MTMR9: variants seen among roughly 807,000 people sequenced by gnomAD.
MTMR9 encodes myotubularin related protein 9.
A neutral mutation model predicts 69.5 loss-of-function variants in MTMR9; 39 were observed. The observed-to-expected ratio is 0.56, with a 90% CI of 0.43 to 0.73. The LOEUF (loss-of-function observed/expected upper bound fraction) is 0.73. MTMR9 is among the 30% of genes least tolerant of loss of function. MTMR9 has a pLI of 0.00. For missense variants in MTMR9, 900 were observed against 671.2 expected (o/e 1.34, Z -3.77); for synonymous variants, 354 against 240.8 (o/e 1.47, Z -4.35).
At position 11,304,978 on chromosome 8, in the gene MTMR9, C is replaced by T. The variant is rs1799885960; in HGVS notation, c.555C>T (p.Phe185=). The change falls in exon 4 of 10, where the codon TTC becomes TTT. Residue 185 remains phenylalanine, a synonymous_variant. Transcript: ENST00000221086. ...CTACATTTCGACATGGAGGGCGCTT[C>T]CCAGTACTAAGCTATTACCACAAAA... ...KVATFRHGGR[F]PVLSYYHKKN... is the part of the protein sequence containing the mutation. 6.2e-7 allele frequency: 1 copy of T among 1,614,058 alleles called. No homozygotes were observed. The highest frequency in any genetic ancestry group is 2.2e-5 in the East Asian group (1 of 44,884).
chr8:11,288,522 G>A (rs1529856), intron 1 of MTMR9, among the ~76,000 whole-genome samples: 90,995 of 151,328 alleles, frequency 0.6, 27,820 homozygotes, highest in East Asian at 0.89. Flanking sequence ...AACTGTGAGT[G>A]TCTGGGGGAA....
At chr8:11,320,458 G>A (rs906303280) in intron 9 of MTMR9, 2 of 152,252 alleles carry the variant, frequency 1.3e-5, no homozygotes, top group Non-Finnish European at 2.9e-5. Flanking sequence ...GCCAGGTGTG[G>A]TGGCTCACGC....
At chr8:11,285,658 C>T (rs753871930) in intron 1 of MTMR9, among the ~76,000 whole-genome samples, 1 of 152,106 alleles carries the variant, frequency 6.6e-6, no homozygotes, top group African/African-American at 2.4e-5. Context: ...ACAGGGTTGG[C>T]TCTCAAGGAA....
the MTMR9 span, among the ~76,000 whole-genome samples, chr8:11,336,620 C>G: frequency 6.6e-6 from 1 of 152,176 alleles, no homozygotes; most frequent in Non-Finnish European, 1.5e-5. Context: ...TTTTGGCCAT[C>G]TCCAATGCCA....
chr8:11,301,064 G>T (rs1799731565), intron 3 of MTMR9, among the ~76,000 whole-genome samples: 1 of 152,186 alleles, frequency 6.6e-6, no homozygotes, highest in South Asian at 2.1e-4. Flanking sequence ...GAAACAAGTA[G>T]CAGGCTGGAT....
intron 1 of MTMR9, among the ~76,000 whole-genome samples, chr8:11,293,164 T>C (rs578116252): frequency 3.3e-5 from 5 of 152,292 alleles, no homozygotes; most frequent in East Asian, 1.9e-4. Flanking sequence ...GACAGTGACA[T>C]TGATGATCCC....
chr8:11,298,988 A>C (rs1053674201), intron 2 of MTMR9: 5 of 607,434 alleles, frequency 8.2e-6, no homozygotes, highest in African/African-American at 8.1e-5. Context: ...GTCTAGGAAG[A>C]GAGGAAATGA....
At chr8:11,285,747 A>G (rs1303848030) in intron 1 of MTMR9, among the ~76,000 whole-genome samples, 1 of 152,090 alleles carries the variant, frequency 6.6e-6, no homozygotes, top group East Asian at 1.9e-4. Flanking sequence ...GAAGTCAAAA[A>G]GTTAAACTTT....
chr8:11,327,166 C>T lies in MTMR9; in HGVS notation c.*4378C>T, dbSNP rs1244967755. 1 of 152,144 alleles carries T rather than the reference C, an allele frequency of 6.6e-6. No individual in the cohort carries two copies. The highest frequency in any genetic ancestry group is 1.5e-5 in the Non-Finnish European group (1 of 68,036). The allele number at this position is 152,144 out of a possible 1,614,324, so 9.4% of individuals were successfully genotyped here. The stretch of plus-strand genomic sequence containing the variant: ...TAAACCAATAGTCCCAGAAGAGACC[C>T]TCTGAAATTCTAGGACTGGATATTA... On this transcript the variant is annotated 3_prime_UTR_variant, in exon 10 of 10. Transcript: ENST00000221086.
intron 3 of MTMR9, among the ~76,000 whole-genome samples, chr8:11,301,669 G>A (rs1182475957): frequency 6.6e-6 from 1 of 152,124 alleles, no homozygotes; most frequent in African/African-American, 2.4e-5. Context: ...GTGTTACACA[G>A]GTGTATACAA....
chr8:11,337,185 C>G, the MTMR9 span, among the ~76,000 whole-genome samples: 1 of 152,156 alleles, frequency 6.6e-6, no homozygotes, highest in African/African-American at 2.4e-5. Context: ...GACTTGTTGC[C>G]TAGGCTTCTC....
At chr8:11,294,518 T>TTTTTTTTTTA (rs1799480036) in intron 1 of MTMR9, among the ~76,000 whole-genome samples, 2 of 129,470 alleles carry the variant, frequency 1.5e-5, no homozygotes, top group African/African-American at 5.5e-5. Context: ...TTTTTTTTTT[T>TTTTTTTTTTA]GAGACAGAGT....
At chr8:11,298,722 C>CA (rs897756679) in intron 2 of MTMR9, 4 of 670,016 alleles carry the variant, frequency 6.0e-6, no homozygotes, top group East Asian at 2.8e-4. Flanking sequence ...CCCGCTGCAC[C>CA]CCCCCCCCGC....
At chr8:11,331,443 C>G (rs142526826), downstream of MTMR9, 8 of 1,614,042 alleles carry the variant, frequency 5.0e-6, no homozygotes, top group East Asian at 1.8e-4. Context: ...GCTCAACGTC[C>G]TCAGCATTGG....
chr8:11,295,360 A>G, intron 2 of MTMR9, 58 bp downstream of exon 2: 1 of 965,194 alleles, frequency 1.0e-6, no homozygotes. Flanking sequence ...GACTCAGTGT[A>G]GCTCTTCCAT....
rs538623565 is a variant in MTMR9, at chr8:11,285,129, G to A, written c.182+59G>A. 1.1e-4 allele frequency: 157 copies of A among 1,447,880 alleles called. 1 individual carries two copies. In the African/African-American group the frequency reaches 2.1e-3, roughly 19 times the overall value. 89.7% of individuals were successfully genotyped at this position (1,447,880 alleles called of 1,614,324 possible). A position where few individuals can be genotyped will look rare whatever the true frequency, so the allele number is the denominator to read the frequency against. Reference sequence around the variant, plus strand: ...GCCGGGGGTCCCTTGTGGGCGCCCCGGGAAATACTTCCTGGCGTTTTCCGC... The same window carrying A: ...GCCGGGGGTCCCTTGTGGGCGCCCCAGGAAATACTTCCTGGCGTTTTCCGC... On this transcript the variant is annotated intron_variant, in intron 1 of 9. Transcript: ENST00000221086.
intron 2 of MTMR9, among the ~76,000 whole-genome samples, chr8:11,296,367 C>T (rs1239869513): frequency 1.3e-5 from 2 of 152,112 alleles, no homozygotes; most frequent in Non-Finnish European, 1.5e-5. Context: ...TCATTACTTA[C>T]TATAATTTTA....
At chr8:11,332,215 TATA>T (rs2117503104), downstream of MTMR9, 1 of 1,494,742 alleles carries the variant, frequency 6.7e-7, no homozygotes, top group South Asian at 1.3e-5. Flanking sequence ...AAAAAATAAT[TATA>T]ATAAATCCTA....
Position 11,322,951 on chromosome 8 carries a change from C to G in MTMR9, c.*163C>G, listed in dbSNP as rs2117468076. 1 of 505,232 alleles carries G rather than the reference C, an allele frequency of 2.0e-6. No individual in the cohort carries two copies. The highest frequency in any genetic ancestry group is 3.4e-5 in the East Asian group (1 of 29,092). The allele number at this position is 505,232 out of a possible 1,614,324, so 31.3% of individuals were successfully genotyped here. A position where few individuals can be genotyped will look rare whatever the true frequency, so the allele number is the denominator to read the frequency against. On this transcript the variant is annotated 3_prime_UTR_variant, in exon 10 of 10. Coordinates refer to ENST00000221086, the MANE Select transcript of MTMR9 (RefSeq NM_015458.4). The stretch of plus-strand genomic sequence containing the variant: ...TCTCAATACTGTATGAATAATGAAA[C>G]TTACTATCATAAACCATGTTTCATG...
Sources: allele counts gnomAD v4.1 joint callset (sites outside exome capture counted in the v4.1 genomes callset), GRCh38; gene constraint gnomAD v4.1.1; transcripts MANE v1.5; gene names NCBI Gene and HGNC (gene_info 2026-07-23, HGNC 2026-07-21).